Variants in MDGA1 observed in about 807,000 individuals in gnomAD.
The protein encoded by MDGA1 is MAM domain-containing glycosylphosphatidylinositol anchor protein 1.
MDGA1 carries 54 observed loss-of-function variants against 101.5 expected under a neutral mutation model. The observed-to-expected ratio is 0.53, with a 90% CI of 0.43 to 0.67. The LOEUF is 0.67. MDGA1 is among the 30% of genes least tolerant of loss of function. The pLI is 0.00. For synonymous variants in MDGA1, 533 were observed against 558.3 expected (o/e 0.95, Z 0.64); for missense variants, 1,083 against 1,323.8 (o/e 0.82, Z 2.82).
chr6:37,646,304 G>A lies in MDGA1; in HGVS notation c.2118C>T (p.Tyr706=), dbSNP rs1761193196. ...GGGGCACACGGAGATCGGTCAGGAT[G>A]TACTCCAGCAGCTGCCCCTTCTCCA... ...RRVEKGQLLE[Y]ILTDLRVPHS... Residue 706 remains tyrosine, a synonymous_variant, in exon 11 of 17, where the codon TAC becomes TAT. Transcript: ENST00000434837. 5 of 1,598,324 alleles carry A rather than the reference G, an allele frequency of 3.1e-6. No homozygotes were observed. Among genetic ancestry groups the A allele is most frequent in the East Asian group, 2.3e-5 (1 of 44,256 alleles).
intron 10 of MDGA1, 107 bp from the exon 11 acceptor site, chr6:37,646,482 T>A: frequency 2.2e-6 from 2 of 923,324 alleles, no homozygotes; most frequent in Non-Finnish European, 3.0e-6. Context: ...CAGGGCTGTC[T>A]TCATAATAAA....
Position 37,635,724 on chromosome 6 carries a change from G to T in MDGA1, c.*1644C>A, listed in dbSNP as rs982756474. 1 of 398,662 alleles carries T rather than the reference G, an allele frequency of 2.5e-6. No individual in the cohort carries two copies. The highest frequency in any genetic ancestry group is 4.4e-6 in the Non-Finnish European group (1 of 226,092). 24.7% of individuals were successfully genotyped at this position (398,662 alleles called of 1,614,324 possible). A position where few individuals can be genotyped will look rare whatever the true frequency, so the allele number is the denominator to read the frequency against. ...AGCCCTGTGATGCTCCTCACCAAAGGTGCTTGCATTCAATAGGGTCATCTG... is the reference window on the plus strand; with the variant it reads ...AGCCCTGTGATGCTCCTCACCAAAGTTGCTTGCATTCAATAGGGTCATCTG... On this transcript the variant is annotated 3_prime_UTR_variant, in exon 17 of 17. Coordinates refer to ENST00000434837, the MANE Select transcript of MDGA1 (RefSeq NM_153487.4).
chr6:37,672,965 T>C (rs966210249), intron 1 of MDGA1, among the ~76,000 whole-genome samples: 2 of 132,052 alleles, frequency 1.5e-5, no homozygotes, highest in African/African-American at 5.8e-5. Flanking sequence ...CCCCATAATA[T>C]AACATTAACT....
chr6:37,649,108 C>T lies in MDGA1; in HGVS notation c.1768G>A (p.Ala590Thr), dbSNP rs1262427695. 6.6e-7 allele frequency: 1 copy of T among 1,520,818 alleles called. No individual in the cohort carries two copies. The highest frequency in any genetic ancestry group is 1.4e-5 in the African/African-American group (1 of 70,502). The allele number at this position is 1,520,818 out of a possible 1,614,324, so 94.2% of individuals were successfully genotyped here. ...QLLPPPPVVP[A>T]AAEAPDHAEL... is the part of the protein sequence containing the mutation. ...GCGTGATCCGGCGCCTCGGCGGCGG[C>T]GGGAACAACAGGCGGCGGCGGCAGC... Residue 590 changes from alanine to threonine, a missense_variant, in exon 9 of 17, where the codon GCC becomes ACC. Physicochemically the swap from Ala to Thr is moderately conservative, Grantham distance 58 (BLOSUM62 0). Coordinates refer to ENST00000434837, the MANE Select transcript of MDGA1 (RefSeq NM_153487.4).
intron 13 of MDGA1, 55 bp from the exon 14 acceptor site, chr6:37,643,998 T>A: frequency 6.2e-7 from 1 of 1,600,162 alleles, no homozygotes; most frequent in Non-Finnish European, 8.5e-7. Flanking sequence ...GGCCTCTTCC[T>A]ACCTGATTCC....
intron 1 of MDGA1, among the ~76,000 whole-genome samples, chr6:37,671,889 C>T (rs115912172): frequency 0.011 from 1,609 of 152,236 alleles, 30 homozygotes; most frequent in African/African-American, 0.036. Flanking sequence ...GCCTATAATC[C>T]CAGCACTTTG....
intron 1 of MDGA1, among the ~76,000 whole-genome samples, chr6:37,695,218 A>G (rs554087703): frequency 1.1e-4 from 17 of 152,170 alleles, no homozygotes; most frequent in African/African-American, 4.1e-4. Flanking sequence ...TGTGGTGAGA[A>G]GGCAAAGACC....
At chr6:37,680,139 T>G (rs918055903) in intron 1 of MDGA1, among the ~76,000 whole-genome samples, 1 of 151,492 alleles carries the variant, frequency 6.6e-6, no homozygotes, top group African/African-American at 2.4e-5. Flanking sequence ...GGGGCGGGGG[T>G]GGGGCGCTGA....
At chr6:37,664,625 A>ACACACACACG (rs1761703731) in intron 1 of MDGA1, among the ~76,000 whole-genome samples, 1 of 150,234 alleles carries the variant, frequency 6.7e-6, no homozygotes, top group Non-Finnish European at 1.5e-5. Flanking sequence ...ACACACACAC[A>ACACACACACG]CACACACACA....
At position 37,637,250 on chromosome 6, in the gene MDGA1, TCCCTGGCGGGCCGGCCCTGC is replaced by T; in HGVS notation, c.*98_*117del. ...ATCCTTGCAGCCAATGCAGGCCCCC[TCCCTGGCGGGCCGGCCCTGC>T]CCCTGGGCACCCCAGCTGGCGGGGG... On this transcript the variant is annotated 3_prime_UTR_variant, in exon 17 of 17. Coordinates refer to ENST00000434837, the MANE Select transcript of MDGA1 (RefSeq NM_153487.4). 1 of 737,416 alleles carries T rather than the reference TCCCTGGCGGGCCGGCCCTGC, an allele frequency of 1.4e-6. No individual in the cohort carries two copies. Among genetic ancestry groups the T allele is most frequent in the Non-Finnish European group, 2.3e-6 (1 of 432,624 alleles). The allele number at this position is 737,416 out of a possible 1,614,324, so 45.7% of individuals were successfully genotyped here.
chr6:37,639,999 C>G (rs1172992554), intron 14 of MDGA1, among the ~76,000 whole-genome samples: 1 of 152,148 alleles, frequency 6.6e-6, no homozygotes, highest in African/African-American at 2.4e-5. Flanking sequence ...GACCTTCCTG[C>G]AAGGAGTCAA....
At chr6:37,662,937 A>G (rs1384484823) in intron 2 of MDGA1, among the ~76,000 whole-genome samples, 3 of 151,966 alleles carry the variant, frequency 2.0e-5, no homozygotes, top group African/African-American at 7.3e-5. Context: ...ACATCGACCT[A>G]CTCCAGCAGC....
In MDGA1 at chr6:37,632,541, T is replaced by C. The variant is rs914265494; in HGVS notation, c.*4827A>G. 6.5e-6 allele frequency: 1 copy of C among 152,710 alleles called. No homozygotes were observed. Among genetic ancestry groups the C allele is most frequent in the African/African-American group, 2.4e-5 (1 of 41,522 alleles). 9.5% of individuals were successfully genotyped at this position (152,710 alleles called of 1,614,324 possible). The stretch of plus-strand genomic sequence containing the variant: ...CGCTAGAACACTGCAGCTTTATTGA[T>C]AGAACAACCGCGTCCGCAACTAGAG... On this transcript the variant is annotated 3_prime_UTR_variant, in exon 17 of 17. Transcript: ENST00000434837.
Position 37,633,800 on chromosome 6 carries a change from A to G in MDGA1, c.*3568T>C, listed in dbSNP as rs1007673808. The G allele has an allele frequency of 1.3e-5, 2 of 152,358 alleles. No homozygotes were observed. Among genetic ancestry groups the G allele is most frequent in the African/African-American group, 4.8e-5 (2 of 41,440 alleles). 9.4% of individuals were successfully genotyped at this position (152,358 alleles called of 1,614,324 possible). The stretch of plus-strand genomic sequence containing the variant: ...TTGGCAGGAGACCTCAGGGGCAGTG[A>G]CAAGCGGTGTGACACCCCCAGGGCT... On this transcript the variant is annotated 3_prime_UTR_variant, in exon 17 of 17. Coordinates refer to ENST00000434837, the MANE Select transcript of MDGA1 (RefSeq NM_153487.4).
chr6:37,645,951 T>C lies in MDGA1; in HGVS notation c.2230A>G (p.Asn744Asp), dbSNP rs1412905393. The part of the protein sequence containing the change: ...SRIIHYTEPI[N>D]SPNLSDNTCH... ...GTCTCACCTGAAAGGTTCGGAGAGT[T>C]GATGGCTGAGAAAGCAAGCGGGGAA... The change falls in exon 12 of 17, where the codon AAC becomes GAC. Residue 744 changes from asparagine to aspartate, a missense_variant. Physicochemically the swap from Asn to Asp is conservative, Grantham distance 23. This residue lies in a region of MDGA1 where 657 missense variants were observed against 771.4 expected (regional missense o/e 0.85). Transcript: ENST00000434837. 1 of 1,613,956 alleles carries C rather than the reference T, an allele frequency of 6.2e-7. No homozygotes were observed. Among genetic ancestry groups the C allele is most frequent in the Admixed American group, 1.7e-5 (1 of 60,016 alleles).
At chr6:37,681,316 T>C (rs1416998394) in intron 1 of MDGA1, among the ~76,000 whole-genome samples, 1 of 152,120 alleles carries the variant, frequency 6.6e-6, no homozygotes, top group Non-Finnish European at 1.5e-5. Flanking sequence ...AGCCTCGGCC[T>C]GCCCCTGCCC....
rs116122853 is a variant in MDGA1, at chr6:37,654,052, T to C, written c.982+222A>G. Among the ~76,000 whole-genome samples, 460 of 152,340 alleles carry C rather than the reference T, an allele frequency of 3.0e-3. 3 individuals are homozygous for C. The highest frequency in any genetic ancestry group is 4.9e-3 in the Non-Finnish European group (336 of 68,034). On this transcript the variant is annotated intron_variant, in intron 6 of 16. Coordinates refer to ENST00000434837, the MANE Select transcript of MDGA1 (RefSeq NM_153487.4). ...TTGAGGTTACATTTGGAAATGTAGATTGTCAACTGTCAATAAAGCTTTATA... is the reference window on the plus strand; with the variant it reads ...TTGAGGTTACATTTGGAAATGTAGACTGTCAACTGTCAATAAAGCTTTATA...
intron 2 of MDGA1, among the ~76,000 whole-genome samples, chr6:37,659,370 A>G (rs1761570686): frequency 6.6e-6 from 1 of 152,250 alleles, no homozygotes; most frequent in Admixed American, 6.5e-5. Context: ...AAGAAAGTAT[A>G]TAAATCCCCT....
intron 1 of MDGA1, among the ~76,000 whole-genome samples, chr6:37,681,884 C>A (rs535624663): frequency 6.6e-6 from 1 of 152,354 alleles, no homozygotes; most frequent in East Asian, 1.9e-4. Flanking sequence ...GTGAACCAGA[C>A]AAGGGTGTCA....
Sources: allele counts gnomAD v4.1 joint callset (sites outside exome capture counted in the v4.1 genomes callset), GRCh38; gene constraint gnomAD v4.1.1; regional missense constraint gnomAD v4.1.1; transcripts MANE v1.5; gene names NCBI Gene and HGNC (gene_info 2026-07-23, HGNC 2026-07-21).